The following ARHGAP19 variants were observed in gnomAD, a reference collection of about 807,000 sequenced individuals.
ARHGAP19 encodes the protein rho GTPase-activating protein 19.
In ARHGAP19, 48 loss-of-function variants were observed where a neutral mutation model predicts 60.9. The ratio of observed to expected loss-of-function variants is 0.79; its 90% CI spans 0.62 to 1.00. The LOEUF (loss-of-function observed/expected upper bound fraction) is 1.00. Among genes scored for constraint, ARHGAP19 ranks in the 50% least tolerant of loss-of-function variants. The pLI is 0.00. For synonymous variants in ARHGAP19, 209 were observed against 215.5 expected (o/e 0.97, Z 0.27); for missense variants, 562 against 597.2 (o/e 0.94, Z 0.61).
chr10:97,256,445 C>A, intron 5 of ARHGAP19, 41 bp from the exon 6 acceptor site: 1 of 1,427,528 alleles, frequency 7.0e-7, no homozygotes, highest in Non-Finnish European at 9.9e-7. Flanking sequence ...ACATTAAGAG[C>A]TAGAAAGTAG....
chr10:97,273,382 C>T (rs549482304), intron 1 of ARHGAP19, among the ~76,000 whole-genome samples: 5 of 151,752 alleles, frequency 3.3e-5, no homozygotes, highest in Admixed American at 1.3e-4. Flanking sequence ...AGGCTGGTCT[C>T]GAACTCCTGA....
intron 1 of ARHGAP19, 126 bp downstream of exon 1, chr10:97,292,446 G>A: frequency 7.9e-7 from 1 of 1,269,858 alleles, no homozygotes; most frequent in South Asian, 1.3e-5. Context: ...CAGGCGCGAC[G>A]ATGAGAAACG....
chr10:97,226,043 G>A lies in ARHGAP19; in HGVS notation c.*79C>T, dbSNP rs933251423. On this transcript the variant is annotated 3_prime_UTR_variant, in exon 12 of 12. Transcript: ENST00000358531. ...TGCAGCAAGCAAGCTGCAAGTCCAA[G>A]CTTTGCTGTGGGCAGGAATAACACC... The A allele has an allele frequency of 1.2e-5, 18 of 1,504,438 alleles. No individual in the cohort carries two copies. Among genetic ancestry groups the A allele is most frequent in the Non-Finnish European group, 1.5e-5 (16 of 1,092,002 alleles). The allele number at this position is 1,504,438 out of a possible 1,614,324, so 93.2% of individuals were successfully genotyped here.
chr10:97,261,736 C>T (rs1447764746), intron 4 of ARHGAP19, among the ~76,000 whole-genome samples: 1 of 151,752 alleles, frequency 6.6e-6, no homozygotes, highest in Non-Finnish European at 1.5e-5. Flanking sequence ...ATTTCTTTTC[C>T]ATATAATTAG....
intron 6 of ARHGAP19, among the ~76,000 whole-genome samples, chr10:97,253,488 T>G (rs966282223): frequency 2.6e-5 from 4 of 151,952 alleles, no homozygotes; most frequent in Admixed American, 1.3e-4. Context: ...GATGCTGGGA[T>G]AGGTGTTAGG....
At chr10:97,234,333 A>C (rs1349007348) in intron 9 of ARHGAP19, among the ~76,000 whole-genome samples, 3 of 151,342 alleles carry the variant, frequency 2.0e-5, no homozygotes, top group Non-Finnish European at 4.4e-5. Flanking sequence ...TGATGGGTTT[A>C]CAGGTGCAGC....
intron 5 of ARHGAP19, among the ~76,000 whole-genome samples, chr10:97,257,326 T>C (rs1438686758): frequency 2.7e-5 from 4 of 145,550 alleles, no homozygotes; most frequent in African/African-American, 5.1e-5. Context: ...CTCGCTTTGT[T>C]ACCCAGATTG....
intron 1 of ARHGAP19, 58 bp downstream of exon 1, chr10:97,292,514 G>T: frequency 1.9e-6 from 3 of 1,597,440 alleles, no homozygotes; most frequent in Non-Finnish European, 2.6e-6. Flanking sequence ...AGGCAAAGGC[G>T]GCAGGACTAC....
At chr10:97,245,062 G>A (rs749054734) in intron 7 of ARHGAP19, among the ~76,000 whole-genome samples, 2 of 152,012 alleles carry the variant, frequency 1.3e-5, no homozygotes, top group Non-Finnish European at 2.9e-5. Flanking sequence ...CTGGAGTACA[G>A]TGTCACCATC....
intron 1 of ARHGAP19, among the ~76,000 whole-genome samples, chr10:97,290,434 T>G (rs1487576995): frequency 4.6e-5 from 7 of 152,166 alleles, no homozygotes; most frequent in Admixed American, 4.6e-4. Flanking sequence ...AGTCACTGGG[T>G]TCCACGGTTC....
chr10:97,292,477 G>C, intron 1 of ARHGAP19, 95 bp downstream of exon 1: 1 of 1,473,430 alleles, frequency 6.8e-7, no homozygotes, highest in Non-Finnish European at 9.4e-7. Context: ...AAGAAACAAA[G>C]CCCGAACCGT....
chr10:97,236,296 A>C (rs1842377134), intron 8 of ARHGAP19, among the ~76,000 whole-genome samples: 2 of 152,134 alleles, frequency 1.3e-5, no homozygotes. Context: ...TTTTCTAACT[A>C]TACTTTTAAA....
At chr10:97,281,075 C>T (rs1843078480) in intron 1 of ARHGAP19, among the ~76,000 whole-genome samples, 1 of 152,134 alleles carries the variant, frequency 6.6e-6, no homozygotes, top group Non-Finnish European at 1.5e-5. Context: ...CACAAGTTCA[C>T]AAATTGAAAA....
At chr10:97,285,936 C>T (rs1843149109) in intron 1 of ARHGAP19, among the ~76,000 whole-genome samples, 1 of 152,202 alleles carries the variant, frequency 6.6e-6, no homozygotes, top group African/African-American at 2.4e-5. Flanking sequence ...ATCTGCTTTG[C>T]TTTATGCTGT....
chr10:97,226,194 C>T (rs959629238), intron 11 of ARHGAP19, 62 bp from the exon 12 acceptor site: 6 of 1,564,858 alleles, frequency 3.8e-6, no homozygotes, highest in Non-Finnish European at 5.3e-6. Context: ...TTGCAAACAT[C>T]CCACTCAAAA....
intron 1 of ARHGAP19, chr10:97,270,734 AT>A: frequency 6.8e-7 from 1 of 1,474,226 alleles, no homozygotes; most frequent in Non-Finnish European, 9.1e-7. Context: ...AATTCCAGAC[AT>A]GTTAGAGGAT....
At chr10:97,252,098 C>T (rs539944876) in intron 6 of ARHGAP19, among the ~76,000 whole-genome samples, 1 of 152,034 alleles carries the variant, frequency 6.6e-6, no homozygotes, top group South Asian at 2.1e-4. Flanking sequence ...GGACTGATAA[C>T]AGTAGAGGAC....
intron 6 of ARHGAP19, among the ~76,000 whole-genome samples, chr10:97,249,620 G>A (rs1305254426): frequency 6.6e-6 from 1 of 152,216 alleles, no homozygotes; most frequent in East Asian, 1.9e-4. Context: ...AAAAGCATGA[G>A]TGTGTAGATT....
chr10:97,267,403 G>A (rs1842911860), intron 1 of ARHGAP19, among the ~76,000 whole-genome samples: 1 of 152,238 alleles, frequency 6.6e-6, no homozygotes, highest in African/African-American at 2.4e-5. Context: ...TTGAGTGTTT[G>A]CAGCTTTTCC....
Sources: allele counts gnomAD v4.1 joint callset (sites outside exome capture counted in the v4.1 genomes callset), GRCh38; gene constraint gnomAD v4.1.1; transcripts MANE v1.5; gene names NCBI Gene and HGNC (gene_info 2026-07-23, HGNC 2026-07-21).